The following ECM2 variants were observed in gnomAD, a reference collection of about 807,000 sequenced individuals.
ECM2 encodes extracellular matrix protein 2, female organ and adipocyte specific.
ECM2 carries 57 observed loss-of-function variants against 67.5 expected under a neutral mutation model. That is an observed-to-expected ratio of 0.84 (90% CI 0.68 to 1.05). The LOEUF is 1.05. Ranked by LOEUF, ECM2 falls within the 50% of genes least tolerant of loss-of-function variation. The probability of loss-of-function intolerance (pLI) is 0.00; values close to 1 mark genes in which losing one functional copy is unlikely to be tolerated. For missense variants in ECM2, 741 were observed against 822.8 expected (o/e 0.90, Z 1.22); for synonymous variants, 258 against 294.5 (o/e 0.88, Z 1.27).
intron 9 of ECM2, among the ~76,000 whole-genome samples, chr9:92,499,763 G>A (rs1846562338): frequency 6.6e-6 from 1 of 152,124 alleles, no homozygotes; most frequent in South Asian, 2.1e-4. Context: ...TAGGCATTTA[G>A]TTTATTTGGA....
At chr9:92,531,932 T>C (rs1848781261) in intron 1 of ECM2, among the ~76,000 whole-genome samples, 1 of 151,814 alleles carries the variant, frequency 6.6e-6, no homozygotes, top group African/African-American at 2.4e-5. Flanking sequence ...TTTTTCCCCC[T>C]ACACTTTCAT....
At chr9:92,546,649 C>G in the ECM2 span, among the ~76,000 whole-genome samples, 3 of 152,258 alleles carry the variant, frequency 2.0e-5, no homozygotes, top group African/African-American at 4.8e-5. Context: ...GGACACGCTG[C>G]CTTTAAGAAC....
At chr9:92,546,709 A>C in the ECM2 span, among the ~76,000 whole-genome samples, 1 of 152,228 alleles carries the variant, frequency 6.6e-6, no homozygotes, top group Non-Finnish European at 1.5e-5. Context: ...AGTCAGTGAG[A>C]CCAAGAACCC....
rs766419963 is a variant in ECM2, at chr9:92,496,393, A to G, written c.2022T>C (p.Ile674=). 73 of 1,610,690 alleles carry G rather than the reference A, an allele frequency of 4.5e-5. 2 individuals are homozygous for G. The South Asian group carries it at 7.4e-4, about 16-fold the overall frequency. The change falls in exon 10 of 10, where the codon ATT becomes ATC. Residue 674 remains isoleucine (I), a synonymous_variant. Transcript: ENST00000344604. The part of the protein sequence containing the change: ...HLHLENNYIK[I]REIPSYTFSC... ...AAAATGTGTAAGATGGTATTTCTCT[A>G]ATTTTAATATAATTGTTTTCAAGAT...
At chr9:92,524,769 G>A (rs1037122888) in intron 1 of ECM2, among the ~76,000 whole-genome samples, 1 of 152,166 alleles carries the variant, frequency 6.6e-6, no homozygotes, top group Non-Finnish European at 1.5e-5. Context: ...GGGAATTTAA[G>A]GTATTTGGTG....
Position 92,515,023 on chromosome 9 carries a change from T to C in ECM2, c.662A>G (p.Glu221Gly), listed in dbSNP as rs1277452438. 1.9e-6 allele frequency: 3 copies of C among 1,614,046 alleles called. No homozygotes were observed. The highest frequency in any genetic ancestry group is 2.7e-5 in the African/African-American group (2 of 74,912). The change falls in exon 4 of 10, where the codon GAA (glutamate) becomes GGA (glycine). Residue 221 changes from glutamate to glycine, a missense_variant. Transcript: ENST00000344604. ...LQSEEDEEVK[E>G]EDTEQKRETP... is the part of the protein sequence containing the mutation. ...CTCTCTCTTTTGCTCTGTATCTTCT[T>C]CTTTCACTTCTTCATCCTCCTCAGA...
At chr9:92,552,794 C>G in the ECM2 span, among the ~76,000 whole-genome samples, 6 of 152,224 alleles carry the variant, frequency 3.9e-5, no homozygotes, top group East Asian at 1.2e-3. Context: ...TGTGGGTTGT[C>G]TGTTTACTCT....
Position 92,517,885 on chromosome 9 carries a change from A to C in ECM2, c.293-10T>G. The C allele has an allele frequency of 3.1e-6, 5 of 1,613,360 alleles. No homozygotes were observed. Among genetic ancestry groups the C allele is most frequent in the Non-Finnish European group, 4.2e-6 (5 of 1,179,656 alleles). On this transcript the variant is annotated splice_polypyrimidine_tract_variant and intron_variant, in intron 2 of 9. Coordinates refer to ENST00000344604, the MANE Select transcript of ECM2 (RefSeq NM_001393.4). ...CAGTGTCCCTTCTTTCCTAGAAGAA[A>C]ACAAAAGCACAAATTTAAATTTCTT...
intron 1 of ECM2, among the ~76,000 whole-genome samples, chr9:92,532,326 A>G (rs1411300832): frequency 6.6e-6 from 1 of 151,726 alleles, no homozygotes; most frequent in Non-Finnish European, 1.5e-5. Context: ...CAAAGATATA[A>G]TTTTCTTGTT....
chr9:92,511,905 A>G, intron 5 of ECM2, 106 bp downstream of exon 5: 1 of 745,078 alleles, frequency 1.3e-6, no homozygotes, highest in East Asian at 2.7e-5. Context: ...TTAGAAGAAG[A>G]CTACCAATTA....
intron 2 of ECM2, among the ~76,000 whole-genome samples, chr9:92,520,072 A>C (rs1847969339): frequency 1.3e-5 from 1 of 77,276 alleles, no homozygotes; most frequent in Admixed American, 1.0e-4. Context: ...TCTTGAGGCC[A>C]GGAATTTGAG....
At chr9:92,494,113 G>A, downstream of ECM2, 2 of 1,597,900 alleles carry the variant, frequency 1.3e-6, no homozygotes, top group Non-Finnish European at 1.7e-6. Flanking sequence ...CATCTGATCT[G>A]TTTGTCACTG....
At chr9:92,516,067 TTTTTTCC>T (rs1045230364) in intron 3 of ECM2, among the ~76,000 whole-genome samples, 8 of 142,518 alleles carry the variant, frequency 5.6e-5, no homozygotes, top group Non-Finnish European at 8.0e-5. Context: ...GTGCATACTT[TTTTTTCC>T]CCCCCCCGAG....
the ECM2 span, among the ~76,000 whole-genome samples, chr9:92,555,987 TTGTC>T: frequency 1.3e-5 from 2 of 152,160 alleles, no homozygotes; most frequent in Non-Finnish European, 2.9e-5. Context: ...TGACCTTAGA[TTGTC>T]TGTGCTCTTT....
intron 1 of ECM2, 79 bp from the exon 2 acceptor site, chr9:92,522,972 G>A: frequency 1.5e-6 from 2 of 1,316,352 alleles, no homozygotes; most frequent in Non-Finnish European, 1.0e-6. Context: ...TTGCTTGTAT[G>A]CCTCAGTAGG....
At position 92,527,003 on chromosome 9, in the gene ECM2, A is replaced by G. The variant is rs570668751; in HGVS notation, c.-27-4110T>C. Among the ~76,000 whole-genome samples the G allele has an allele frequency of 2.0e-5, 3 of 149,456 alleles. No homozygotes were observed. In the South Asian group the frequency reaches 6.4e-4, roughly 32 times the overall value. On this transcript the variant is annotated intron_variant, in intron 1 of 9. Coordinates refer to ENST00000344604, the MANE Select transcript of ECM2 (RefSeq NM_001393.4). ...ACCTTTCCTATGTGTAGATATGTTT[A>G]TTATTTATTTATTTATTTATTTAGA...
rs1402803182 is a variant in ECM2, at chr9:92,496,038, C to G, written c.*277G>C. 6 of 1,026,886 alleles carry G rather than the reference C, an allele frequency of 5.8e-6. No individual in the cohort carries two copies. The highest frequency in any genetic ancestry group is 5.8e-6 in the Non-Finnish European group (5 of 858,268). The allele number at this position is 1,026,886 out of a possible 1,614,324, so 63.6% of individuals were successfully genotyped here. Reference sequence around the variant, plus strand: ...TGTGTTTATTTTGTTCCAGACTCTTCTGGTCTAGCTCAGTATGCATAATAT... The same window carrying G: ...TGTGTTTATTTTGTTCCAGACTCTTGTGGTCTAGCTCAGTATGCATAATAT... On this transcript the variant is annotated 3_prime_UTR_variant, in exon 10 of 10. Transcript: ENST00000344604.
intron 3 of ECM2, among the ~76,000 whole-genome samples, chr9:92,516,124 C>T (rs532333623): frequency 2.2e-4 from 34 of 151,494 alleles, no homozygotes; most frequent in South Asian, 1.7e-3. Context: ...AATGCAGTGG[C>T]ATGATCTCGG....
the ECM2 span, among the ~76,000 whole-genome samples, chr9:92,545,533 C>T: frequency 0.069 from 6,063 of 87,604 alleles, 184 homozygotes; most frequent in South Asian, 0.15. Context: ...AGCCTCCCGC[C>T]CCGCCGGGCC....
Sources: allele counts gnomAD v4.1 joint callset (sites outside exome capture counted in the v4.1 genomes callset), GRCh38; gene constraint gnomAD v4.1.1; transcripts MANE v1.5; gene names NCBI Gene and HGNC (gene_info 2026-07-23, HGNC 2026-07-21).